SORCS1: variants seen among roughly 807,000 people sequenced by gnomAD.
SORCS1 encodes sortilin related VPS10 domain containing receptor 1, also known as VPS10 domain-containing receptor SorCS1.
SORCS1 carries 60 observed loss-of-function variants against 146.1 expected under a neutral mutation model. The ratio of observed to expected loss-of-function variants is 0.41; its 90% CI spans 0.33 to 0.51. The LOEUF (loss-of-function observed/expected upper bound fraction) is 0.51. Among genes scored for constraint, SORCS1 ranks in the 20% least tolerant of loss-of-function variants. The pLI, the probability that SORCS1 is intolerant of heterozygous loss-of-function variation, is 0.21. For missense variants in SORCS1, 1,352 were observed against 1,487.6 expected (o/e 0.91, Z 1.50); for synonymous variants, 637 against 584.0 (o/e 1.09, Z -1.31).
chr10:106,886,551 T>C (rs1564774300), intron 2 of SORCS1, among the ~76,000 whole-genome samples: 1 of 152,174 alleles, frequency 6.6e-6, no homozygotes. Context: ...ACCCTGTGAT[T>C]ACTATCGATC....
chr10:106,688,349 T>C lies in SORCS1; in HGVS notation c.1414-11A>G, dbSNP rs1853029006. 2.5e-6 allele frequency: 4 copies of C among 1,607,794 alleles called. No individual in the cohort carries two copies. The highest frequency in any genetic ancestry group is 1.1e-5 in the South Asian group (1 of 89,762). Reference sequence around the variant, plus strand: ...CTTTATCCCTGCTACCTGGGAAAAATTGACATGGCTGAAAAATACATCAAT... The same window carrying C: ...CTTTATCCCTGCTACCTGGGAAAAACTGACATGGCTGAAAAATACATCAAT... On this transcript the variant is annotated splice_polypyrimidine_tract_variant and intron_variant, in intron 9 of 25. Transcript: ENST00000263054.
chr10:106,956,391 G>C, intron 2 of SORCS1, 122 bp downstream of exon 2: 1 of 802,746 alleles, frequency 1.2e-6, no homozygotes, highest in South Asian at 1.7e-5. Context: ...AGAGAAGAAA[G>C]AGAGAAAGCA....
chr10:106,791,100 A>C (rs2136514563), intron 3 of SORCS1, among the ~76,000 whole-genome samples: 1 of 152,330 alleles, frequency 6.6e-6, no homozygotes, highest in South Asian at 2.1e-4. Context: ...AAAGAGACAC[A>C]AAGTGGGAGA....
At chr10:107,065,506 TC>T (rs35957152) in intron 1 of SORCS1, among the ~76,000 whole-genome samples, 1,672 of 46,616 alleles carry the variant, frequency 0.036, 68 homozygotes, top group African/African-American at 0.11. Context: ...TCCTCTCCTC[TC>T]CTCTCTTTCT....
intron 2 of SORCS1, among the ~76,000 whole-genome samples, chr10:106,923,213 C>T (rs756266780): frequency 2.0e-4 from 30 of 152,134 alleles, no homozygotes; most frequent in African/African-American, 5.3e-4. Context: ...TTACCGTCTC[C>T]GTAGTTTTAT....
At chr10:106,725,482 C>T (rs191965477) in intron 6 of SORCS1, among the ~76,000 whole-genome samples, 1 of 151,432 alleles carries the variant, frequency 6.6e-6, no homozygotes, top group Non-Finnish European at 1.5e-5. Context: ...ACCCAGGAGG[C>T]GGAGGTTGCA....
intron 1 of SORCS1, among the ~76,000 whole-genome samples, chr10:107,112,750 C>A (rs113158816): frequency 1.3e-3 from 204 of 152,230 alleles, no homozygotes; most frequent in African/African-American, 4.6e-3. Flanking sequence ...TATCAGACAA[C>A]ATAGATTTTC....
At chr10:107,056,918 A>G (rs1960696023) in intron 1 of SORCS1, among the ~76,000 whole-genome samples, 1 of 152,206 alleles carries the variant, frequency 6.6e-6, no homozygotes. Flanking sequence ...GTTTATGTTC[A>G]TTCCCTATTT....
Position 106,909,062 on chromosome 10 carries a change from C to T in SORCS1, c.626+47451G>A, listed in dbSNP as rs1461563201. ...TTGAGATGCACACCTCAGCTAACCACACAACAGCCACTAAGCAAGCAGTTC... is the reference window on the plus strand; with the variant it reads ...TTGAGATGCACACCTCAGCTAACCATACAACAGCCACTAAGCAAGCAGTTC... On this transcript the variant is annotated intron_variant, in intron 2 of 25. Transcript: ENST00000263054. Among the ~76,000 whole-genome samples, 7 of 152,214 alleles carry T rather than the reference C, an allele frequency of 4.6e-5. No individual in the cohort carries two copies. The East Asian group carries it at 1.3e-3, about 29-fold the overall frequency.
intron 1 of SORCS1, among the ~76,000 whole-genome samples, chr10:107,062,712 T>A (rs1362900650): frequency 6.6e-6 from 1 of 152,152 alleles, no homozygotes; most frequent in African/African-American, 2.4e-5. Flanking sequence ...GCACCTGGGT[T>A]TATGACATGC....
At chr10:107,176,217 C>CTTCCTTCCTCCCTCCTTCCCTGTT in the SORCS1 span, among the ~76,000 whole-genome samples, 1 of 150,640 alleles carries the variant, frequency 6.6e-6, no homozygotes, top group South Asian at 2.1e-4. Flanking sequence ...TCCTTCCTTC[C>CTTCCTTCCTCCCTCCTTCCCTGTT]TTCCTTCCTC....
chr10:106,727,594 T>C (rs1417477142), intron 6 of SORCS1, among the ~76,000 whole-genome samples: 3 of 152,174 alleles, frequency 2.0e-5, no homozygotes, highest in Non-Finnish European at 4.4e-5. Flanking sequence ...CGAGAAACGG[T>C]TGTGATCGAA....
chr10:107,130,558 A>G (rs1966855739), intron 1 of SORCS1, among the ~76,000 whole-genome samples: 1 of 152,228 alleles, frequency 6.6e-6, no homozygotes, highest in South Asian at 2.1e-4. Flanking sequence ...CAACGGCCTC[A>G]CATGGCTGAC....
intron 2 of SORCS1, among the ~76,000 whole-genome samples, chr10:106,854,398 C>G (rs975661852): frequency 1.3e-5 from 2 of 151,858 alleles, no homozygotes; most frequent in Non-Finnish European, 2.9e-5. Context: ...TTTTTCTCAT[C>G]CACTCCATCA....
At chr10:106,920,995 C>G (rs973395465) in intron 2 of SORCS1, among the ~76,000 whole-genome samples, 1 of 152,128 alleles carries the variant, frequency 6.6e-6, no homozygotes, top group Non-Finnish European at 1.5e-5. Context: ...GGAAAACACT[C>G]CCATTTTTCC....
At chr10:106,838,482 G>A (rs1308223127) in intron 2 of SORCS1, among the ~76,000 whole-genome samples, 1 of 152,104 alleles carries the variant, frequency 6.6e-6, no homozygotes, top group African/African-American at 2.4e-5. Flanking sequence ...CATTCTTGGT[G>A]TTATACATTC....
chr10:106,970,500 G>A (rs184035057), intron 1 of SORCS1, among the ~76,000 whole-genome samples: 218 of 151,282 alleles, frequency 1.4e-3, no homozygotes, highest in Non-Finnish European at 2.2e-3. Flanking sequence ...CACCACGCCC[G>A]GCTAATTTTT....
chr10:106,647,007 GTATATATATATA>G lies in SORCS1; in HGVS notation c.2475+5363_2475+5374del, dbSNP rs57891596. 6.4e-3 allele frequency among the ~76,000 whole-genome samples: 857 copies of G among 134,224 alleles called. 11 individuals carry two copies. The highest frequency in any genetic ancestry group is 0.032 in the East Asian group (150 of 4,724). The allele number at this position is 134,224 out of a possible 152,430, so 88.1% of individuals were successfully genotyped here. On this transcript the variant is annotated intron_variant, in intron 18 of 25. Transcript: ENST00000263054. ...TGTATATATATGTGTGTTTGTATGT[GTATATATATATA>G]TATATATATATATATATATATATGG...
chr10:106,957,155 G>GTTTTTTTTTTTTTTTTTTT (rs373309411), intron 1 of SORCS1, among the ~76,000 whole-genome samples: 2 of 136,428 alleles, frequency 1.5e-5, no homozygotes, highest in Non-Finnish European at 1.5e-5. Context: ...TTAGCATGTG[G>GTTTTTTTTTTTTTTTTTTT]TTTTTTTTTG....
Sources: gnomAD v4.1 joint callset for allele counts (sites outside exome capture counted in the v4.1 genomes callset) on GRCh38, gnomAD v4.1.1 for gene constraint, MANE v1.5 for transcripts, NCBI Gene and HGNC (gene_info 2026-07-23, HGNC 2026-07-21) for gene names.